Variants in SLC35F4 observed in about 807,000 individuals in gnomAD.
SLC35F4 encodes the protein chromosome 14 open reading frame 36.
Under a neutral mutation model 44.2 loss-of-function variants are expected in SLC35F4, and 24 were observed. The observed-to-expected ratio is 0.54, with a 90% CI of 0.39 to 0.76. The LOEUF is 0.76. Among genes scored for constraint, SLC35F4 ranks in the 30% least tolerant of loss-of-function variants. SLC35F4 has a pLI of 0.00. For synonymous variants in SLC35F4, 238 were observed against 223.6 expected (o/e 1.06, Z -0.57); for missense variants, 562 against 586.1 (o/e 0.96, Z 0.42).
intron 6 of SLC35F4, among the ~76,000 whole-genome samples, chr14:57,569,411 A>T (rs748422310): frequency 1.3e-5 from 2 of 152,110 alleles, no homozygotes; most frequent in African/African-American, 2.4e-5. Flanking sequence ...AACCACTCTG[A>T]GTTCTTTGAA....
At chr14:57,676,252 A>T (rs2074688786) in intron 1 of SLC35F4, among the ~76,000 whole-genome samples, 2 of 152,136 alleles carry the variant, frequency 1.3e-5, no homozygotes, top group African/African-American at 4.8e-5. Flanking sequence ...ATGCAGCCAT[A>T]AAAAGGAACT....
At chr14:57,669,503 C>T (rs1280366543) in intron 1 of SLC35F4, among the ~76,000 whole-genome samples, 1 of 151,980 alleles carries the variant, frequency 6.6e-6, no homozygotes, top group African/African-American at 2.4e-5. Flanking sequence ...GAGATATGTC[C>T]CATCAATACC....
chr14:57,592,680 C>T lies in SLC35F4; in HGVS notation c.289+1259G>A, dbSNP rs189948013. 2.6e-3 allele frequency among the ~76,000 whole-genome samples: 402 copies of T among 152,258 alleles called. 1 individual carries two copies. The highest frequency in any genetic ancestry group is 9.0e-3 in the African/African-American group (373 of 41,556). Reference sequence around the variant, plus strand: ...CTTGGGGTTCACACAGTGTCTAAGACATCATTTTATTTTCTCATAAAAAAT... The same window carrying T: ...CTTGGGGTTCACACAGTGTCTAAGATATCATTTTATTTTCTCATAAAAAAT... On this transcript the variant is annotated intron_variant, in intron 2 of 7. Coordinates refer to ENST00000556826, the MANE Select transcript of SLC35F4 (RefSeq NM_001306087.2).
intron 1 of SLC35F4, among the ~76,000 whole-genome samples, chr14:57,903,885 A>T (rs970551934): frequency 6.6e-6 from 1 of 152,238 alleles, no homozygotes; most frequent in Admixed American, 6.5e-5. Flanking sequence ...TTTCCTGAGC[A>T]TATCTATCTC....
intron 1 of SLC35F4, among the ~76,000 whole-genome samples, chr14:57,873,868 A>T (rs998910705): frequency 1.3e-5 from 2 of 152,138 alleles, no homozygotes; most frequent in East Asian, 3.9e-4. Flanking sequence ...TAGCAATCGC[A>T]ATTATCTCCT....
At chr14:57,651,513 A>G (rs1280753854) in intron 1 of SLC35F4, among the ~76,000 whole-genome samples, 1 of 152,086 alleles carries the variant, frequency 6.6e-6, no homozygotes, top group Non-Finnish European at 1.5e-5. Flanking sequence ...CGTCACAGAT[A>G]CCGAGAGTCC....
chr14:57,643,685 T>C (rs991377688), intron 1 of SLC35F4, among the ~76,000 whole-genome samples: 6 of 152,186 alleles, frequency 3.9e-5, no homozygotes, highest in Non-Finnish European at 7.3e-5. Flanking sequence ...GTTACTTATG[T>C]ATACATGTGC....
chr14:57,640,455 C>T (rs1241024098), intron 1 of SLC35F4, among the ~76,000 whole-genome samples: 1 of 152,018 alleles, frequency 6.6e-6, no homozygotes, highest in Non-Finnish European at 1.5e-5. Context: ...TGTTTTCTAC[C>T]TCTTCAATTG....
intron 1 of SLC35F4, among the ~76,000 whole-genome samples, chr14:57,782,227 A>G (rs940064893): frequency 6.6e-6 from 1 of 152,186 alleles, no homozygotes; most frequent in Admixed American, 6.5e-5. Flanking sequence ...ATTTACCCAA[A>G]TGAGTGCAAG....
At chr14:57,851,108 C>T (rs995716302) in intron 1 of SLC35F4, among the ~76,000 whole-genome samples, 1 of 152,176 alleles carries the variant, frequency 6.6e-6, no homozygotes, top group Non-Finnish European at 1.5e-5. Context: ...GTGTCATGCA[C>T]ATTGTCATGC....
At chr14:57,783,617 C>T (rs1317026005) in intron 1 of SLC35F4, among the ~76,000 whole-genome samples, 1 of 152,168 alleles carries the variant, frequency 6.6e-6, no homozygotes, top group Non-Finnish European at 1.5e-5. Flanking sequence ...AAGGCCTGGA[C>T]AATAAGAACC....
chr14:57,863,214 T>G (rs1887829612), intron 1 of SLC35F4, among the ~76,000 whole-genome samples: 1 of 152,236 alleles, frequency 6.6e-6, no homozygotes, highest in Non-Finnish European at 1.5e-5. Context: ...ACTCAATAAC[T>G]GTTCATTAAT....
At chr14:57,719,920 A>G (rs2076042407) in intron 1 of SLC35F4, among the ~76,000 whole-genome samples, 1 of 152,140 alleles carries the variant, frequency 6.6e-6, no homozygotes, top group Admixed American at 6.5e-5. Flanking sequence ...GTTTTTCCAC[A>G]TTCAGTACAA....
intron 1 of SLC35F4, among the ~76,000 whole-genome samples, chr14:57,778,580 C>G (rs1372818192): frequency 6.6e-6 from 1 of 151,776 alleles, no homozygotes; most frequent in African/African-American, 2.4e-5. Flanking sequence ...GGCAGAAAAT[C>G]AACAAAATAT....
intron 1 of SLC35F4, among the ~76,000 whole-genome samples, chr14:57,897,209 G>A (rs1473827445): frequency 6.6e-6 from 1 of 152,068 alleles, no homozygotes; most frequent in Non-Finnish European, 1.5e-5. Flanking sequence ...CATCAGGACT[G>A]TTAGCACCAT....
chr14:57,732,608 G>A (rs530720289), intron 1 of SLC35F4, among the ~76,000 whole-genome samples: 1 of 152,226 alleles, frequency 6.6e-6, no homozygotes, highest in South Asian at 2.1e-4. Flanking sequence ...TGGGCAGATG[G>A]CACTACAAAT....
At chr14:57,911,912 G>A (rs1165335887) in intron 1 of SLC35F4, among the ~76,000 whole-genome samples, 4 of 151,870 alleles carry the variant, frequency 2.6e-5, no homozygotes, top group African/African-American at 9.7e-5. Context: ...TGGGCCTAAT[G>A]CTTTCTATTT....
chr14:57,844,718 C>A (rs1474991130), intron 1 of SLC35F4, among the ~76,000 whole-genome samples: 1 of 152,150 alleles, frequency 6.6e-6, no homozygotes, highest in Non-Finnish European at 1.5e-5. Flanking sequence ...AAGATTTCCT[C>A]TGTCTGACCA....
At chr14:57,661,677 T>C (rs1288820730) in intron 1 of SLC35F4, among the ~76,000 whole-genome samples, 1 of 152,188 alleles carries the variant, frequency 6.6e-6, no homozygotes, top group Non-Finnish European at 1.5e-5. Flanking sequence ...CAGAGACGAA[T>C]GTGCTCTTCA....
Sources: allele counts gnomAD v4.1 joint callset (sites outside exome capture counted in the v4.1 genomes callset), GRCh38; gene constraint gnomAD v4.1.1; transcripts MANE v1.5; gene names NCBI Gene and HGNC (gene_info 2026-07-23, HGNC 2026-07-21).